The following PSD3 variants were observed in gnomAD, a reference collection of about 807,000 sequenced individuals.
PSD3 encodes the protein PH and SEC7 domain-containing protein 3.
A neutral mutation model predicts 105.5 loss-of-function variants in PSD3; 49 were observed. The observed-to-expected ratio is 0.46, with a 90% CI of 0.37 to 0.59. PSD3 has a LOEUF of 0.59. PSD3 is among the 20% of genes least tolerant of loss of function. PSD3 has a pLI of 0.00. For synonymous variants in PSD3, 557 were observed against 457.8 expected, an observed-to-expected ratio of 1.22 and a Z score of -2.77; for missense variants, 1,561 against 1,263.8, an observed-to-expected ratio of 1.24 and a Z score of -3.57.
intron 9 of PSD3, among the ~76,000 whole-genome samples, chr8:18,675,286 T>G (rs1374879888): frequency 1.3e-5 from 2 of 152,206 alleles, no homozygotes; most frequent in African/African-American, 2.4e-5. Context: ...TGTAAACACC[T>G]TGGCCTGCCC....
At chr8:18,840,052 T>A (rs1449592273) in intron 4 of PSD3, among the ~76,000 whole-genome samples, 1 of 152,232 alleles carries the variant, frequency 6.6e-6, no homozygotes. Context: ...TAGTAGAAAG[T>A]AGTCATTCCA....
At chr8:18,783,758 G>A (rs555324341) in intron 8 of PSD3, among the ~76,000 whole-genome samples, 5 of 152,216 alleles carry the variant, frequency 3.3e-5, no homozygotes, top group Admixed American at 6.5e-5. Flanking sequence ...TCAGCCACTC[G>A]AGTAACTGGG....
chr8:18,999,324 T>A (rs1170331000), intron 1 of PSD3, among the ~76,000 whole-genome samples: 2 of 151,902 alleles, frequency 1.3e-5, no homozygotes, highest in Non-Finnish European at 2.9e-5. Flanking sequence ...TGCCCATTCA[T>A]ACCTGCTGCT....
At chr8:19,055,819 A>G (rs76089044) in intron 1 of PSD3, among the ~76,000 whole-genome samples, 2,628 of 152,296 alleles carry the variant, frequency 0.017, 76 homozygotes, top group African/African-American at 0.059. Context: ...CTTTTCCTGT[A>G]TTCAGATTAC....
intron 9 of PSD3, among the ~76,000 whole-genome samples, chr8:18,735,199 GA>G (rs1460087538): frequency 2.0e-5 from 3 of 152,044 alleles, no homozygotes; most frequent in Non-Finnish European, 4.4e-5. Flanking sequence ...TCAACTCCAG[GA>G]AAACACTTTA....
chr8:18,906,210 ATTTT>A (rs1819839259), intron 2 of PSD3, among the ~76,000 whole-genome samples: 1 of 152,124 alleles, frequency 6.6e-6, no homozygotes, highest in South Asian at 2.1e-4. Flanking sequence ...ATTTATACGA[ATTTT>A]TCATCAAATA....
chr8:18,998,486 G>C (rs1430876926), intron 1 of PSD3, among the ~76,000 whole-genome samples: 1 of 151,906 alleles, frequency 6.6e-6, no homozygotes, highest in African/African-American at 2.4e-5. Flanking sequence ...GGGAGATTGA[G>C]ACCATCCTGG....
At chr8:18,700,770 C>T (rs760651746) in intron 9 of PSD3, among the ~76,000 whole-genome samples, 1 of 152,014 alleles carries the variant, frequency 6.6e-6, no homozygotes, top group Non-Finnish European at 1.5e-5. Flanking sequence ...TAGGGGTAAG[C>T]AAACAGTAGA....
At chr8:18,608,980 C>G (rs561029564) in intron 11 of PSD3, among the ~76,000 whole-genome samples, 17 of 152,170 alleles carry the variant, frequency 1.1e-4, no homozygotes, top group Admixed American at 7.9e-4. Context: ...TCTGGGTGCC[C>G]TGATCATCTT....
chr8:18,799,026 T>C (rs1399853410), intron 8 of PSD3: 2 of 348,190 alleles, frequency 5.7e-6, no homozygotes, highest in South Asian at 3.7e-5. Flanking sequence ...AAGCTCTGTC[T>C]GCCATCTACT....
chr8:19,012,859 C>T (rs1827018151), intron 1 of PSD3, among the ~76,000 whole-genome samples: 1 of 152,168 alleles, frequency 6.6e-6, no homozygotes, highest in Admixed American at 6.5e-5. Context: ...GAACCAGTGT[C>T]TAGAAAATGA....
At chr8:19,070,297 G>C (rs1455065493) in intron 1 of PSD3, among the ~76,000 whole-genome samples, 1 of 149,784 alleles carries the variant, frequency 6.7e-6, no homozygotes. Flanking sequence ...AAAATTTGGA[G>C]CATTCACTTT....
chr8:19,013,832 G>A (rs1183590686), upstream of PSD3: 6 of 167,912 alleles, frequency 3.6e-5, no homozygotes, highest in Non-Finnish European at 7.5e-5. Flanking sequence ...GCGGGCCCCG[G>A]GGGCGGAGGG....
At chr8:18,764,652 C>A (rs551979504) in intron 9 of PSD3, among the ~76,000 whole-genome samples, 5 of 152,148 alleles carry the variant, frequency 3.3e-5, no homozygotes, top group African/African-American at 1.2e-4. Context: ...TCATATCATA[C>A]ATTTCCATAC....
intron 12 of PSD3, among the ~76,000 whole-genome samples, chr8:18,586,962 C>T (rs1209587207): frequency 6.6e-6 from 1 of 152,106 alleles, no homozygotes; most frequent in Non-Finnish European, 1.5e-5. Context: ...TCTTTGCATC[C>T]CCATCTCTGG....
intron 9 of PSD3, among the ~76,000 whole-genome samples, chr8:18,661,744 G>A (rs192179974): frequency 0.024 from 3,602 of 152,206 alleles, 112 homozygotes; most frequent in East Asian, 0.13. Context: ...GATGCAAAAG[G>A]AGAAATAGCC....
At chr8:18,968,639 G>C (rs962797816) in intron 1 of PSD3, among the ~76,000 whole-genome samples, 1 of 152,154 alleles carries the variant, frequency 6.6e-6, no homozygotes, top group Non-Finnish European at 1.5e-5. Flanking sequence ...CACTTTGGGA[G>C]ACCGAGGCAG....
intron 15 of PSD3, among the ~76,000 whole-genome samples, chr8:18,545,158 T>TGTATAA (rs954016653): frequency 2.0e-5 from 3 of 152,248 alleles, no homozygotes; most frequent in Non-Finnish European, 4.4e-5. Context: ...AAACTCAGTC[T>TGTATAA]GTATAAGTAT....
intron 1 of PSD3, among the ~76,000 whole-genome samples, chr8:18,975,216 T>C (rs113206647): frequency 0.031 from 4,674 of 152,142 alleles, 89 homozygotes; most frequent in Non-Finnish European, 0.046. Flanking sequence ...ATCCCTAATA[T>C]ATCAGGGTAC....
Sources: allele counts gnomAD v4.1 joint callset (sites outside exome capture counted in the v4.1 genomes callset), GRCh38; gene constraint gnomAD v4.1.1; transcripts MANE v1.5; gene names NCBI Gene and HGNC (gene_info 2026-07-23, HGNC 2026-07-21).